Variants in BRIP1 observed in about 807,000 individuals in gnomAD.
The protein encoded by BRIP1 is BRCA1 interacting DNA helicase 1.
A neutral mutation model predicts 119.7 loss-of-function variants in BRIP1; 88 were observed. The ratio of observed to expected loss-of-function variants is 0.74; its 90% confidence interval spans 0.62 to 0.88. The LOEUF (loss-of-function observed/expected upper bound fraction) is 0.88, where lower values mean the gene tolerates loss of function less well. BRIP1 is among the 40% of genes least tolerant of loss of function. The probability of loss-of-function intolerance (pLI) is 0.00; values close to 1 mark genes in which losing one functional copy is unlikely to be tolerated. For missense variants in BRIP1, 1,259 were observed against 1,455.4 expected (o/e 0.87, Z 2.20); for synonymous variants, 443 against 496.5 (o/e 0.89, Z 1.43).
rs1281799917 is a variant in BRIP1 at position 61,681,104 on chromosome 17, A to G, written c.*2192T>C. Among the ~76,000 whole-genome samples, 1 of 152,106 alleles carries G rather than the reference A, an allele frequency of 6.6e-6. No individual in the cohort carries two copies. Among genetic ancestry groups the G allele is most frequent in the Non-Finnish European group, 1.5e-5 (1 of 68,034 alleles). ...TCTCATAAGAACTCAGTATCACGAGAACCGCATGAGGGTAACCGCCCCCAC... is the reference window on the plus strand; with the variant it reads ...TCTCATAAGAACTCAGTATCACGAGGACCGCATGAGGGTAACCGCCCCCAC... On this transcript the variant is annotated 3_prime_UTR_variant, in exon 20 of 20. Transcript: ENST00000259008. The surrounding 1 kb of genome is among the most constrained non-coding windows in gnomAD (Gnocchi z 5.1).
chr17:61,776,374 CA>C lies in BRIP1; in HGVS notation c.2097+26del, dbSNP rs4988353. Reference sequence around the variant, plus strand: ...TAAAATGTAAATGATTATTTAAAGGCAAAAGAAACAATAAATATTCCCTTAC... The same window carrying C: ...TAAAATGTAAATGATTATTTAAAGGCAAAGAAACAATAAATATTCCCTTAC... On this transcript the variant is annotated intron_variant, in intron 14 of 19. Coordinates refer to ENST00000259008, the MANE Select transcript of BRIP1 (RefSeq NM_032043.3). The surrounding 1 kb of genome is among the most constrained non-coding windows in gnomAD (Gnocchi z 5.0). The C allele has an allele frequency of 2.9e-3, 4,610 of 1,612,768 alleles. 10 individuals carry two copies. Among genetic ancestry groups the C allele is most frequent in the Non-Finnish European group, 3.7e-3 (4,304 of 1,178,870 alleles).
At position 61,825,646 on chromosome 17, in the gene BRIP1, T is replaced by TAAAC. The variant is rs2078395472; in HGVS notation, c.628-16890_628-16889insGTTT. 6.7e-6 allele frequency among the ~76,000 whole-genome samples: 1 copy of TAAAC among 149,764 alleles called. No homozygotes were observed. Among genetic ancestry groups the TAAAC allele is most frequent in the Admixed American group, 6.7e-5 (1 of 15,032 alleles). On this transcript the variant is annotated intron_variant, in intron 6 of 19. Transcript: ENST00000259008. This position sits in a 1 kb window ranked among gnomAD's most constrained non-coding sequence, Gnocchi z 4.1. ...ACAAATAAATAAATAAATAAATAAA[T>TAAAC]AAATAAATAAATAAATAAATAAAAT... is the stretch of plus-strand genomic sequence containing the variant.
rs2077157577 is a variant in BRIP1, at chr17:61,753,367, C to T, written c.2098-8776G>A. ...TCATACAGGCAACACTGGCAAAGGA[C>T]CAAGACTGGAAGGAAAGATTAAAAG... On this transcript the variant is annotated intron_variant, in intron 14 of 19. Coordinates refer to ENST00000259008, the MANE Select transcript of BRIP1 (RefSeq NM_032043.3). The surrounding 1 kb of genome is among the most constrained non-coding windows in gnomAD (Gnocchi z 4.6). Among the ~76,000 whole-genome samples the T allele has an allele frequency of 6.6e-6, 1 of 151,994 alleles. No individual in the cohort carries two copies. The highest frequency in any genetic ancestry group is 1.5e-5 in the Non-Finnish European group (1 of 68,008).
intron 4 of BRIP1, among the ~76,000 whole-genome samples, chr17:61,849,663 C>G (rs1305253506): frequency 6.6e-6 from 1 of 152,158 alleles, no homozygotes; most frequent in Non-Finnish European, 1.5e-5. Flanking sequence ...TAGAATCAAG[C>G]TCATATAATC....
rs73332540 is a variant in BRIP1 at position 61,844,085 on chromosome 17, A to G, written c.627+3016T>C. ...ACTACAAGTACACACCACCACACAC[A>G]GCTATTTTTTTTCTTCTATTCTTTA... On this transcript the variant is annotated intron_variant, in intron 6 of 19. Transcript: ENST00000259008. This position sits in a 1 kb window ranked among gnomAD's most constrained non-coding sequence, Gnocchi z 4.7. Among the ~76,000 whole-genome samples, 434 of 151,728 alleles carry G rather than the reference A, an allele frequency of 2.9e-3. 3 individuals carry two copies. The highest frequency in any genetic ancestry group is 1.0e-2 in the African/African-American group (413 of 41,406).
chr17:61,794,763 T>C lies in BRIP1; in HGVS notation c.1341-1034A>G, dbSNP rs2145256427. On this transcript the variant is annotated intron_variant, in intron 9 of 19. Coordinates refer to ENST00000259008, the MANE Select transcript of BRIP1 (RefSeq NM_032043.3). This position sits in a 1 kb window ranked among gnomAD's most constrained non-coding sequence, Gnocchi z 4.3. ...AATAAATTATGAAAATAAATTAGTT[T>C]AATATAACCTAGTTGCAACTTTAAT... is the stretch of plus-strand genomic sequence containing the variant. Among the ~76,000 whole-genome samples, 1 of 152,044 alleles carries C rather than the reference T, an allele frequency of 6.6e-6. No individual in the cohort carries two copies. The highest frequency in any genetic ancestry group is 1.9e-4 in the East Asian group (1 of 5,180).
chr17:61,821,820 G>C (rs1044699543), intron 6 of BRIP1, among the ~76,000 whole-genome samples: 2 of 151,950 alleles, frequency 1.3e-5, no homozygotes, highest in Admixed American at 6.6e-5. Flanking sequence ...CAACCTCCTC[G>C]GCTCAAGTGA....
Position 61,683,157 on chromosome 17 carries a change from ATAATAACAT to A in BRIP1, c.*130_*138del. 1.8e-6 allele frequency: 2 copies of A among 1,111,722 alleles called. No homozygotes were observed. Among genetic ancestry groups the A allele is most frequent in the South Asian group, 1.6e-5 (1 of 63,272 alleles). 68.9% of individuals were successfully genotyped at this position (1,111,722 alleles called of 1,614,324 possible). On this transcript the variant is annotated 3_prime_UTR_variant, in exon 20 of 20. Coordinates refer to ENST00000259008, the MANE Select transcript of BRIP1 (RefSeq NM_032043.3). The surrounding 1 kb of genome is among the most constrained non-coding windows in gnomAD (Gnocchi z 4.7). ...AAAAAAAAAACCCAAAAACTCAAGAATAATAACATTTACATTTCTGAACATAAAATAGTT... is the reference window on the plus strand; with the variant it reads ...AAAAAAAAAACCCAAAAACTCAAGAATTACATTTCTGAACATAAAATAGTT...
At position 61,686,325 on chromosome 17, in the gene BRIP1, A is replaced by G. The variant is rs948595081; in HGVS notation, c.2576-160T>C. Among the ~76,000 whole-genome samples, 1 of 152,212 alleles carries G rather than the reference A, an allele frequency of 6.6e-6. No homozygotes were observed. The highest frequency in any genetic ancestry group is 1.9e-4 in the East Asian group (1 of 5,204). On this transcript the variant is annotated intron_variant, in intron 18 of 19. Transcript: ENST00000259008. The surrounding 1 kb of genome is among the most constrained non-coding windows in gnomAD (Gnocchi z 5.4). Reference sequence around the variant, plus strand: ...GTTTTTTCTGCAATTCAGCAATTTTACTACATATGTATCAGTAACATATGA... The same window carrying G: ...GTTTTTTCTGCAATTCAGCAATTTTGCTACATATGTATCAGTAACATATGA...
intron 14 of BRIP1, among the ~76,000 whole-genome samples, chr17:61,772,163 A>ATATATATATATATATATATATATATT: frequency 1.7e-4 from 1 of 5,770 alleles, no homozygotes; most frequent in African/African-American, 4.5e-4. Flanking sequence ...GAGATTATAT[A>ATATATATATATATATATATATATATT]TATATATATA....
At position 61,679,469 on chromosome 17, in the gene BRIP1, A is replaced by G. The variant is rs1377513104; in HGVS notation, c.*3827T>C. On this transcript the variant is annotated 3_prime_UTR_variant, in exon 20 of 20. Transcript: ENST00000259008. The surrounding 1 kb of genome is among the most constrained non-coding windows in gnomAD (Gnocchi z 4.4). ...TCCTGGTTTGCAGCCTGTGTGCTCT[A>G]TATACTTTCAGTCCTTGAATAAATT... Among the ~76,000 whole-genome samples the G allele has an allele frequency of 1.4e-4, 21 of 152,188 alleles. No individual in the cohort carries two copies. Among genetic ancestry groups the G allele is most frequent in the South Asian group, 2.1e-4 (1 of 4,824 alleles).
chr17:61,856,945 T>C lies in BRIP1; in HGVS notation c.379+113A>G, dbSNP rs2078903332. 2.0e-6 allele frequency: 2 copies of C among 1,020,294 alleles called. No homozygotes were observed. The highest frequency in any genetic ancestry group is 1.6e-5 in the African/African-American group (1 of 62,762). 63.2% of individuals were successfully genotyped at this position (1,020,294 alleles called of 1,614,324 possible). On this transcript the variant is annotated intron_variant, in intron 4 of 19. Transcript: ENST00000259008. This position sits in a 1 kb window ranked among gnomAD's most constrained non-coding sequence, Gnocchi z 5.1. Reference sequence around the variant, plus strand: ...TTAAAATCATTCCAGAGAAACTAGATAGAGATATATAATCAGTTATGCTAA... The same window carrying C: ...TTAAAATCATTCCAGAGAAACTAGACAGAGATATATAATCAGTTATGCTAA...
At position 61,734,339 on chromosome 17, in the gene BRIP1, C is replaced by G. The variant is rs1338229119; in HGVS notation, c.2379+8674G>C. Among the ~76,000 whole-genome samples the G allele has an allele frequency of 2.0e-5, 3 of 152,144 alleles. No homozygotes were observed. Among genetic ancestry groups the G allele is most frequent in the African/African-American group, 7.2e-5 (3 of 41,462 alleles). On this transcript the variant is annotated intron_variant, in intron 16 of 19. Transcript: ENST00000259008. The surrounding 1 kb of genome is among the most constrained non-coding windows in gnomAD (Gnocchi z 5.2). ...CCATCGACATCTAGTCATATAAAAG[C>G]CTTGGTTCATTCTCATGCCCCTCAA...
Position 61,774,829 on chromosome 17 carries a change from T to C in BRIP1, c.2097+1572A>G, listed in dbSNP as rs1245094709. ...GTTATTTCAATGTTATAGTCTCTAG[T>C]CACCCAATTATAAATGTCTGTAACT... On this transcript the variant is annotated intron_variant, in intron 14 of 19. Coordinates refer to ENST00000259008, the MANE Select transcript of BRIP1 (RefSeq NM_032043.3). The surrounding 1 kb of genome is among the most constrained non-coding windows in gnomAD (Gnocchi z 5.8). Among the ~76,000 whole-genome samples, 1 of 152,198 alleles carries C rather than the reference T, an allele frequency of 6.6e-6. No individual in the cohort carries two copies. The highest frequency in any genetic ancestry group is 1.5e-5 in the Non-Finnish European group (1 of 68,028).
At chr17:61,784,690 G>A (rs996870071) in intron 10 of BRIP1, among the ~76,000 whole-genome samples, 1 of 152,138 alleles carries the variant, frequency 6.6e-6, no homozygotes, top group Non-Finnish European at 1.5e-5. Context: ...GAGGGGGTGA[G>A]TTAGTGCTCT....
chr17:61,735,002 C>A lies in BRIP1; in HGVS notation c.2379+8011G>T, dbSNP rs117948857. ...TAAATTTTTATTTACTAAATAACTT[C>A]TACTTATTAGACTATTAATGTAAAA... On this transcript the variant is annotated intron_variant, in intron 16 of 19. Coordinates refer to ENST00000259008, the MANE Select transcript of BRIP1 (RefSeq NM_032043.3). This position sits in a 1 kb window ranked among gnomAD's most constrained non-coding sequence, Gnocchi z 4.4. 5.9e-3 allele frequency among the ~76,000 whole-genome samples: 899 copies of A among 152,216 alleles called. 2 individuals are homozygous for A. The highest frequency in any genetic ancestry group is 0.017 in the Middle Eastern group (5 of 294).
intron 16 of BRIP1, 91 bp from the exon 17 acceptor site, chr17:61,716,154 AT>A (rs2061859233): frequency 1.3e-6 from 1 of 791,088 alleles, no homozygotes; most frequent in East Asian, 2.8e-5. Context: ...GAATATACAT[AT>A]TTTTAGGGTA....
rs1567838078 is a variant in BRIP1 at position 61,808,612 on chromosome 17, T to G, written c.773A>C (p.Gln258Pro). The G allele has an allele frequency of 6.2e-7, 1 of 1,614,024 alleles. No homozygotes were observed. The highest frequency in any genetic ancestry group is 8.5e-7 in the Non-Finnish European group (1 of 1,179,938). The change falls in exon 7 of 20, where the codon CAG becomes CCG. Residue 258 changes from glutamine (Q) to proline (P), a missense_variant. Gln to Pro is a moderately conservative substitution (Grantham distance 76, BLOSUM62 -1). This residue lies in a region of BRIP1 where 501 missense variants were observed against 544.0 expected (regional missense o/e 0.92). Coordinates refer to ENST00000259008, the MANE Select transcript of BRIP1 (RefSeq NM_032043.3). The surrounding 1 kb of genome is among the most constrained non-coding windows in gnomAD (Gnocchi z 4.1). Reference protein sequence around the residue: ...FGTRTHKQIAQITRELRRTAY... With the variant: ...FGTRTHKQIAPITRELRRTAY... The stretch of plus-strand genomic sequence containing the variant: ...CGTCCTCCGGAGCTCTCTAGTAATC[T>G]GAGCAATCTGCTTGTGTGTGCGTGT...
In BRIP1 at chr17:61,848,371, G is replaced by T. The variant is rs111378571; in HGVS notation, c.507+758C>A. ...CTGTAGGGCTCATGCCACCACACCC[G>T]GTCTTTTTTTTTACTTTTTTGTGGA... On this transcript the variant is annotated intron_variant, in intron 5 of 19. Transcript: ENST00000259008. This position sits in a 1 kb window ranked among gnomAD's most constrained non-coding sequence, Gnocchi z 4.3. Among the ~76,000 whole-genome samples the T allele has an allele frequency of 7.2e-5, 9 of 124,258 alleles. No individual in the cohort carries two copies. In the East Asian group the frequency reaches 1.8e-3, roughly 25 times the overall value. 81.5% of individuals were successfully genotyped at this position (124,258 alleles called of 152,430 possible). A position where few individuals can be genotyped will look rare whatever the true frequency, so the allele number is the denominator to read the frequency against.
Sources: gnomAD v4.1 joint callset for allele counts (sites outside exome capture counted in the v4.1 genomes callset) on GRCh38, gnomAD v4.1.1 for gene constraint, gnomAD v4.1.1 regional missense constraint, Gnocchi (gnomAD v3.1) non-coding constraint, MANE v1.5 for transcripts, NCBI Gene and HGNC (gene_info 2026-07-23, HGNC 2026-07-21) for gene names.